Variants in EPHA3 observed in about 807,000 individuals in gnomAD.
The protein encoded by EPHA3 is EPH receptor A3.
EPHA3 carries 42 observed loss-of-function variants against 107.1 expected under a neutral mutation model. The ratio of observed to expected loss-of-function variants is 0.39; its 90% CI spans 0.31 to 0.51. The LOEUF (loss-of-function observed/expected upper bound fraction) is 0.51, where lower values mean the gene tolerates loss of function less well. Ranked by LOEUF, EPHA3 falls within the 20% of genes least tolerant of loss-of-function variation. The pLI is 0.78. For missense variants in EPHA3, 1,183 were observed against 1,211.2 expected, an observed-to-expected ratio of 0.98 and a Z score of 0.35; for synonymous variants, 461 against 424.8, an observed-to-expected ratio of 1.09 and a Z score of -1.05.
chr3:89,229,428 T>A (rs1387584590), intron 3 of EPHA3, among the ~76,000 whole-genome samples: 1 of 151,734 alleles, frequency 6.6e-6, no homozygotes, highest in Non-Finnish European at 1.5e-5. Flanking sequence ...ATGAATTGAT[T>A]TTCAGTGCAT....
At chr3:89,442,565 G>A (rs1008371430) in intron 13 of EPHA3, among the ~76,000 whole-genome samples, 7 of 152,084 alleles carry the variant, frequency 4.6e-5, no homozygotes, top group East Asian at 1.9e-4. Context: ...ATCCTACAAC[G>A]CACAGGACAG....
intron 1 of EPHA3, among the ~76,000 whole-genome samples, chr3:89,122,614 C>A (rs113547686): frequency 0.015 from 2,301 of 152,260 alleles, 58 homozygotes; most frequent in African/African-American, 0.049. Flanking sequence ...AAAAATCTTT[C>A]AAGGTGTGAA....
Position 89,423,185 on chromosome 3 carries a change from T to A in EPHA3, c.2074+3795T>A, listed in dbSNP as rs187108813. Among the ~76,000 whole-genome samples the A allele has an allele frequency of 4.2e-3, 629 of 151,542 alleles. 17 individuals carry two copies. The highest frequency in any genetic ancestry group is 1.8e-3 in the Non-Finnish European group (120 of 67,556). ...GTCTTGCATTATTTTCAGGAAATTTTAAAAAATTACCATGTAACTTAAGTG... is the reference window on the plus strand; with the variant it reads ...GTCTTGCATTATTTTCAGGAAATTTAAAAAAATTACCATGTAACTTAAGTG... On this transcript the variant is annotated intron_variant, in intron 11 of 16. Transcript: ENST00000336596.
chr3:89,198,823 A>G (rs1307849956), intron 2 of EPHA3, among the ~76,000 whole-genome samples: 1 of 152,186 alleles, frequency 6.6e-6, no homozygotes, highest in Non-Finnish European at 1.5e-5. Context: ...CTCACAACTG[A>G]TATGAAATAT....
chr3:89,450,314 G>C lies in EPHA3; in HGVS notation c.2634G>C (p.Leu878=), dbSNP rs142081551. 6.2e-7 allele frequency: 1 copy of C among 1,613,898 alleles called. No homozygotes were observed. The highest frequency in any genetic ancestry group is 8.5e-7 in the Non-Finnish European group (1 of 1,179,902). The change falls in exon 15 of 17, where the codon CTG becomes CTC. Residue 878 remains leucine (L), a synonymous_variant. Transcript: ENST00000336596. Reference sequence around the variant, plus strand: ...AGTTTGAGCAGATTGTTAGTATTCTGGACAAGCTTATCCGGAATCCCGGCA... The same window carrying C: ...AGTTTGAGCAGATTGTTAGTATTCTCGACAAGCTTATCCGGAATCCCGGCA... ...RPKFEQIVSI[L]DKLIRNPGSL... is the part of the protein sequence containing the mutation.
At chr3:89,229,537 A>T (rs1248029259) in intron 3 of EPHA3, among the ~76,000 whole-genome samples, 2 of 151,096 alleles carry the variant, frequency 1.3e-5, no homozygotes, top group Non-Finnish European at 3.0e-5. Context: ...AAAATAGTTT[A>T]AAAATATATA....
intron 2 of EPHA3, among the ~76,000 whole-genome samples, chr3:89,155,284 C>T (rs9814718): frequency 0.95 from 144,328 of 151,974 alleles, 68,606 homozygotes; most frequent in African/African-American, 0.97. Flanking sequence ...AGCCTATCTG[C>T]GTCATTTAAA....
At chr3:89,376,398 T>C (rs1708405429) in intron 5 of EPHA3, among the ~76,000 whole-genome samples, 1 of 151,806 alleles carries the variant, frequency 6.6e-6, no homozygotes, top group East Asian at 1.9e-4. Flanking sequence ...ATACATATTT[T>C]AGATATTGTA....
At chr3:89,128,820 T>G (rs1704143933) in intron 2 of EPHA3, among the ~76,000 whole-genome samples, 2 of 152,130 alleles carry the variant, frequency 1.3e-5, no homozygotes, top group African/African-American at 4.8e-5. Flanking sequence ...ATGTTTTCCT[T>G]TAAAGAAGGT....
At chr3:89,242,766 T>TTA (rs1553670954) in intron 3 of EPHA3, among the ~76,000 whole-genome samples, 26 of 151,508 alleles carry the variant, frequency 1.7e-4, no homozygotes, top group East Asian at 1.2e-3. Flanking sequence ...TTTATTTTTT[T>TTA]ATTATACTTT....
At chr3:89,457,382 C>T (rs1461304298) in intron 15 of EPHA3, among the ~76,000 whole-genome samples, 1 of 152,164 alleles carries the variant, frequency 6.6e-6, no homozygotes, top group Non-Finnish European at 1.5e-5. Context: ...TGAGCATTAC[C>T]GCCTGAGCTC....
Position 89,472,520 on chromosome 3 carries a change from C to T in EPHA3, c.2747C>T (p.Thr916Ile), listed in dbSNP as rs758848156. 6.2e-7 allele frequency: 1 copy of T among 1,614,100 alleles called. No individual in the cohort carries two copies. The highest frequency in any genetic ancestry group is 1.7e-5 in the Admixed American group (1 of 60,018). Residue 916 changes from threonine (T) to isoleucine (I), a missense_variant, in exon 16 of 17, where the codon ACA becomes ATA. By Grantham distance (89) the Thr-to-Ile change is moderately conservative. Transcript: ENST00000336596. The part of the protein sequence containing the change: ...SNVDITTFRT[T>I]GDWLNGVWTA... ...GTGGATATCACTACCTTCCGCACAA[C>T]AGGTGACTGGCTTAATGGTGTCTGG... is the stretch of plus-strand genomic sequence containing the variant.
At position 89,346,983 on chromosome 3, in the gene EPHA3, G is replaced by T. The variant is rs1449756029; in HGVS notation, c.1306+4893G>T. ...TTCTGTTCCATTGATCTATATCTCT[G>T]TTTTGGTACCAGTACCATGCTGTTT... On this transcript the variant is annotated intron_variant, in intron 5 of 16. Coordinates refer to ENST00000336596, the MANE Select transcript of EPHA3 (RefSeq NM_005233.6). Among the ~76,000 whole-genome samples the T allele has an allele frequency of 2.6e-4, 37 of 144,138 alleles. 1 individual carries two copies. Among genetic ancestry groups the T allele is most frequent in the Admixed American group, 2.2e-3 (32 of 14,430 alleles). 94.6% of individuals were successfully genotyped at this position (144,138 alleles called of 152,430 possible). A position where few individuals can be genotyped will look rare whatever the true frequency, so the allele number is the denominator to read the frequency against.
intron 3 of EPHA3, among the ~76,000 whole-genome samples, chr3:89,239,384 T>A (rs967102587): frequency 2.4e-4 from 37 of 152,292 alleles, no homozygotes; most frequent in African/African-American, 8.9e-4. Context: ...CTCTAATTCC[T>A]ACTGATTTAA....
chr3:89,383,797 C>T (rs1352664107), intron 5 of EPHA3, among the ~76,000 whole-genome samples: 9 of 151,676 alleles, frequency 5.9e-5, no homozygotes, highest in East Asian at 5.9e-4. Context: ...TACAGGTGCC[C>T]GCCACCACGC....
At chr3:89,444,985 C>G (rs1709853254) in intron 13 of EPHA3, among the ~76,000 whole-genome samples, 1 of 152,116 alleles carries the variant, frequency 6.6e-6, no homozygotes, top group Non-Finnish European at 1.5e-5. Context: ...AACTCTTGGC[C>G]AGGTGCGATG....
At chr3:89,138,790 G>A (rs994934859) in intron 2 of EPHA3, among the ~76,000 whole-genome samples, 3 of 151,724 alleles carry the variant, frequency 2.0e-5, no homozygotes, top group Non-Finnish European at 4.4e-5. Context: ...ACTCCAGGAA[G>A]GGCTATTCTT....
intron 5 of EPHA3, among the ~76,000 whole-genome samples, chr3:89,394,063 A>C (rs1222379204): frequency 6.6e-6 from 1 of 152,226 alleles, no homozygotes; most frequent in East Asian, 1.9e-4. Context: ...AGTTGGTAAG[A>C]AAATGAATTT....
chr3:89,425,218 AT>A (rs1214925865), intron 11 of EPHA3, among the ~76,000 whole-genome samples: 3 of 151,062 alleles, frequency 2.0e-5, no homozygotes, highest in South Asian at 2.1e-4. Flanking sequence ...ACAAAAAAAA[AT>A]ACCCTAACTC....
Sources: gnomAD v4.1 joint callset for allele counts (sites outside exome capture counted in the v4.1 genomes callset) on GRCh38, gnomAD v4.1.1 for gene constraint, MANE v1.5 for transcripts, NCBI Gene and HGNC (gene_info 2026-07-23, HGNC 2026-07-21) for gene names.